The following LMO7 variants were observed in gnomAD, a reference collection of about 807,000 sequenced individuals.
The protein encoded by LMO7 is LIM domain 7, also known as LIM domain only protein 7.
In LMO7, 120 loss-of-function variants were observed where a neutral mutation model predicts 206.5. The ratio of observed to expected loss-of-function variants is 0.58; its 90% confidence interval spans 0.50 to 0.68. The LOEUF is 0.68. Ranked by LOEUF, LMO7 falls within the 30% of genes least tolerant of loss-of-function variation. LMO7 has a pLI of 0.00. For missense variants in LMO7, 1,959 were observed against 1,957.9 expected (o/e 1.00, Z -0.01); for synonymous variants, 706 against 681.5 (o/e 1.04, Z -0.56).
intron 1 of LMO7, among the ~76,000 whole-genome samples, chr13:75,672,894 C>T (rs1320334751): frequency 6.6e-6 from 1 of 151,334 alleles, no homozygotes; most frequent in Non-Finnish European, 1.5e-5. Flanking sequence ...TAGAAATTGG[C>T]TCTTTGCCTA....
At chr13:75,809,863 G>A (rs1174552253) in intron 11 of LMO7, among the ~76,000 whole-genome samples, 5 of 127,342 alleles carry the variant, frequency 3.9e-5, no homozygotes, top group Admixed American at 9.7e-5. Flanking sequence ...ATGGAGTCTC[G>A]CTCTGTCGCC....
chr13:75,688,104 C>T (rs375762318), intron 1 of LMO7, among the ~76,000 whole-genome samples: 23 of 152,218 alleles, frequency 1.5e-4, no homozygotes, highest in South Asian at 8.3e-4. Context: ...GTGAGGCCTC[C>T]GCAGCCATGT....
At chr13:75,784,228 C>A (rs4885349) in intron 4 of LMO7, among the ~76,000 whole-genome samples, 53,570 of 151,870 alleles carry the variant, frequency 0.35, 9,811 homozygotes, top group East Asian at 0.57. Flanking sequence ...GGTTGAGAAA[C>A]CTTGGTCTAA....
chr13:75,624,712 C>T (rs974279726), intron 2 of LMO7, among the ~76,000 whole-genome samples: 2 of 152,160 alleles, frequency 1.3e-5, no homozygotes, highest in East Asian at 1.9e-4. Flanking sequence ...AGGAAACTCC[C>T]GTTTTTAAAA....
At chr13:75,843,596 G>A (rs2059725052) in intron 25 of LMO7, among the ~76,000 whole-genome samples, 1 of 152,210 alleles carries the variant, frequency 6.6e-6, no homozygotes, top group Admixed American at 6.5e-5. Context: ...TTTCTCTGAG[G>A]CAGTTTGGTT....
chr13:75,671,290 T>C (rs1017695454), intron 1 of LMO7, among the ~76,000 whole-genome samples: 3 of 152,130 alleles, frequency 2.0e-5, no homozygotes, highest in Admixed American at 2.0e-4. Context: ...AAATATTGTA[T>C]CCTGTACATA....
intron 4 of LMO7, among the ~76,000 whole-genome samples, chr13:75,765,431 A>G (rs189909548): frequency 1.4e-5 from 2 of 145,552 alleles, no homozygotes; most frequent in Admixed American, 1.4e-4. Flanking sequence ...CAACTTGAGC[A>G]TGGTGACTTC....
intron 1 of LMO7, among the ~76,000 whole-genome samples, chr13:75,686,376 C>T (rs554676005): frequency 1.2e-4 from 18 of 152,046 alleles, no homozygotes; most frequent in African/African-American, 3.9e-4. Flanking sequence ...ATCATCATCA[C>T]GAGAACAGCA....
chr13:75,690,242 T>C (rs1040044424), intron 1 of LMO7, among the ~76,000 whole-genome samples: 18 of 152,080 alleles, frequency 1.2e-4, no homozygotes, highest in African/African-American at 4.3e-4. Flanking sequence ...CTGAGCCACC[T>C]TCTCCTCAGA....
intron 16 of LMO7, among the ~76,000 whole-genome samples, chr13:75,833,906 G>A (rs1388039310): frequency 6.6e-6 from 1 of 152,020 alleles, no homozygotes; most frequent in Non-Finnish European, 1.5e-5. Flanking sequence ...CAATTAAAAT[G>A]CAGTATGTTT....
intron 1 of LMO7, among the ~76,000 whole-genome samples, chr13:75,667,937 A>C (rs564470447): frequency 6.6e-6 from 1 of 152,344 alleles, no homozygotes; most frequent in African/African-American, 2.4e-5. Flanking sequence ...GGCTGGGCGC[A>C]GTGGCTCATG....
chr13:75,712,572 C>T (rs1286499556), intron 1 of LMO7, among the ~76,000 whole-genome samples: 2 of 152,256 alleles, frequency 1.3e-5, no homozygotes, highest in East Asian at 1.9e-4. Flanking sequence ...TGGGAATTGT[C>T]TGTTTAAAAT....
intron 15 of LMO7, among the ~76,000 whole-genome samples, chr13:75,825,412 C>T (rs1331080251): frequency 6.6e-6 from 1 of 152,114 alleles, no homozygotes; most frequent in Non-Finnish European, 1.5e-5. Context: ...TGGCAGCTGA[C>T]TAACTGCAAC....
exon 1 of LMO7, chr13:75,620,616 G>A (rs1222542807): frequency 6.6e-6 from 1 of 152,060 alleles, no homozygotes; most frequent in Non-Finnish European, 1.5e-5. Flanking sequence ...TTGGCCCCAG[G>A]GTCACACTTA....
intron 3 of LMO7, among the ~76,000 whole-genome samples, chr13:75,741,292 T>A (rs540098231): frequency 6.6e-5 from 10 of 152,334 alleles, no homozygotes; most frequent in African/African-American, 2.4e-4. Context: ...AAACGGAGTA[T>A]TTTTTTCTTC....
At position 75,636,606 on chromosome 13, in the gene LMO7, A is replaced by C. The variant is rs2224797; in HGVS notation, c.-52A>C. On this transcript the variant is annotated 5_prime_UTR_variant, in exon 1 of 31. Coordinates refer to ENST00000377534, the MANE Select transcript of LMO7 (RefSeq NM_001306080.2). ...CGTGGGGCCCAGACGCGCGGGGACA[A>C]CCCCTCCCCTCCACGCATCCCGAGT... The C allele has an allele frequency of 0.5, 771,670 of 1,544,486 alleles. 194,217 individuals carry two copies. The highest frequency in any genetic ancestry group is 0.59 in the Admixed American group (30,310 of 51,026).
In LMO7 at chr13:75,804,477, C is replaced by T; in HGVS notation, c.850C>T (p.His284Tyr). The T allele has an allele frequency of 1.9e-6, 3 of 1,614,144 alleles. No homozygotes were observed. The highest frequency in any genetic ancestry group is 2.5e-6 in the Non-Finnish European group (3 of 1,180,006). Residue 284 changes from histidine to tyrosine, a missense_variant, in exon 8 of 31, where the codon CAT (histidine) becomes TAT (tyrosine). His to Tyr is a moderately conservative substitution (Grantham distance 83, BLOSUM62 2). Coordinates refer to ENST00000377534, the MANE Select transcript of LMO7 (RefSeq NM_001306080.2). ...APLRKKKPDK[H>Y]EDNRRSWASP... ...TCTGAGAAAGAAAAAGCCAGACAAACATGAGGATAACAGAAGAAGTTGGGC... is the reference window on the plus strand; with the variant it reads ...TCTGAGAAAGAAAAAGCCAGACAAATATGAGGATAACAGAAGAAGTTGGGC...
At chr13:75,770,902 G>T (rs1415723763) in intron 4 of LMO7, among the ~76,000 whole-genome samples, 3 of 152,044 alleles carry the variant, frequency 2.0e-5, no homozygotes, top group Non-Finnish European at 4.4e-5. Flanking sequence ...ATGAAGCTAG[G>T]TTTTTCATTC....
chr13:75,778,598 T>C (rs1368194840), intron 4 of LMO7, among the ~76,000 whole-genome samples: 1 of 152,244 alleles, frequency 6.6e-6, no homozygotes, highest in Non-Finnish European at 1.5e-5. Flanking sequence ...TTGAGTTTTT[T>C]TGAAGTCAAC....
Sources: allele counts gnomAD v4.1 joint callset (sites outside exome capture counted in the v4.1 genomes callset), GRCh38; gene constraint gnomAD v4.1.1; transcripts MANE v1.5; gene names NCBI Gene and HGNC (gene_info 2026-07-23, HGNC 2026-07-21).